The following IL1R2 variants were observed in gnomAD, a reference collection of about 807,000 sequenced individuals.
The protein encoded by IL1R2 is interleukin-1 receptor type 2.
IL1R2 carries 46 observed loss-of-function variants against 39.5 expected under a neutral mutation model. The observed-to-expected ratio is 1.16, with a 90% CI of 0.92 to 1.49. IL1R2 has a LOEUF of 1.49. Among genes scored for constraint, IL1R2 ranks in the 40% most tolerant of loss-of-function variants. IL1R2 has a pLI of 0.00. For synonymous variants in IL1R2, 207 were observed against 189.6 expected (o/e 1.09, Z -0.75); for missense variants, 537 against 502.0 (o/e 1.07, Z -0.67).
At chr2:102,028,128 A>G in intron 8 of IL1R2, 98 bp from the exon 9 acceptor site, 1 of 1,038,844 alleles carries the variant, frequency 9.6e-7, no homozygotes, top group Non-Finnish European at 1.3e-6. Flanking sequence ...AGAAAAACAA[A>G]CTCCAATTTC....
chr2:101,997,420 C>T (rs1001595721), intron 1 of IL1R2, among the ~76,000 whole-genome samples: 2 of 152,190 alleles, frequency 1.3e-5, no homozygotes, highest in Admixed American at 6.5e-5. Context: ...TGTTGCTGCA[C>T]CTGAAGAGCT....
At chr2:102,002,624 ATGTC>A (rs142516588) in intron 1 of IL1R2, among the ~76,000 whole-genome samples, 32 of 139,118 alleles carry the variant, frequency 2.3e-4, no homozygotes, top group Non-Finnish European at 4.5e-4. Context: ...ATAAATGTCT[ATGTC>A]TGTGTCTGTG....
At chr2:102,020,130 G>A (rs1677278104) in intron 5 of IL1R2, among the ~76,000 whole-genome samples, 1 of 152,196 alleles carries the variant, frequency 6.6e-6, no homozygotes, top group Admixed American at 6.5e-5. Context: ...GTCCTGTGAA[G>A]CTTTGCACCT....
intron 3 of IL1R2, among the ~76,000 whole-genome samples, chr2:102,012,074 T>G (rs1676672351): frequency 6.6e-6 from 1 of 152,214 alleles, no homozygotes; most frequent in African/African-American, 2.4e-5. Flanking sequence ...CTAGTGTTGG[T>G]GATCTTAAAA....
rs55723899 is a variant in IL1R2, at chr2:101,996,505, T to TTG, written c.-62+4494_-62+4495insTG. On this transcript the variant is annotated intron_variant, in intron 1 of 8. Transcript: ENST00000332549. Reference sequence around the variant, plus strand: ...TCAGTGTTTTTTTTTTTTTTTTTTTTGGGGGGGAGAATGGCTGACTTCTTG... The same window carrying TTG: ...TCAGTGTTTTTTTTTTTTTTTTTTTTTGGGGGGGGAGAATGGCTGACTTCTTG... Among the ~76,000 whole-genome samples, 133 of 137,310 alleles carry TTG rather than the reference T, an allele frequency of 9.7e-4. 1 individual carries two copies. Among genetic ancestry groups the TTG allele is most frequent in the African/African-American group, 3.4e-3 (118 of 34,760 alleles). 90.1% of individuals were successfully genotyped at this position (137,310 alleles called of 152,430 possible). A position where few individuals can be genotyped will look rare whatever the true frequency, so the allele number is the denominator to read the frequency against.
chr2:102,024,270 A>G (rs555618953), intron 6 of IL1R2, among the ~76,000 whole-genome samples: 2 of 152,288 alleles, frequency 1.3e-5, no homozygotes, highest in Admixed American at 1.3e-4. Context: ...GTGGGAGCGC[A>G]GGGGCCCTGG....
At position 102,015,971 on chromosome 2, in the gene IL1R2, T is replaced by G. The variant is rs754047188; in HGVS notation, c.433T>G (p.Ser145Ala). ...CTCATACCCGCAAATTTTAACCTTGTCAACCTCTGGGGTATTAGTATGCCC... is the reference window on the plus strand; with the variant it reads ...CTCATACCCGCAAATTTTAACCTTGGCAACCTCTGGGGTATTAGTATGCCC... ...FISYPQILTL[S>A]TSGVLVCPDL... is the part of the protein sequence containing the mutation. The change falls in exon 4 of 9, where the codon TCA becomes GCA. Residue 145 changes from serine (S) to alanine (A), a missense_variant. Coordinates refer to ENST00000332549, the MANE Select transcript of IL1R2 (RefSeq NM_004633.4). 6.2e-7 allele frequency: 1 copy of G among 1,614,084 alleles called. No homozygotes were observed.
chr2:102,026,147 G>A lies in IL1R2; in HGVS notation c.924G>A (p.Val308=). The A allele has an allele frequency of 6.2e-7, 1 of 1,609,322 alleles. No homozygotes were observed. The highest frequency in any genetic ancestry group is 8.5e-7 in the Non-Finnish European group (1 of 1,176,152). ...YSENNENYIE[V]PLIFDPVTRE... is the part of the protein sequence containing the mutation. ...AAAATAATGAGAACTACATTGAAGT[G>A]CCATTGATTTTTGATCCTGTCACAA... The change falls in exon 8 of 9, where the codon GTG becomes GTA. Residue 308 remains valine (V), a synonymous_variant. Coordinates refer to ENST00000332549, the MANE Select transcript of IL1R2 (RefSeq NM_004633.4).
In IL1R2 at chr2:102,021,612, C is replaced by G. The variant is rs187993898; in HGVS notation, c.689-575C>G. On this transcript the variant is annotated intron_variant, in intron 5 of 8. Transcript: ENST00000332549. ...TACAGGCGTGAGCCACTGCACCCGG[C>G]CACCTCCTTTCTTTACGTTGGCTCT... is the stretch of plus-strand genomic sequence containing the variant. 4.9e-3 allele frequency among the ~76,000 whole-genome samples: 744 copies of G among 152,370 alleles called. 3 individuals are homozygous for G. The highest frequency in any genetic ancestry group is 0.024 in the Middle Eastern group (7 of 294).
At chr2:102,001,219 G>C (rs764254024) in intron 1 of IL1R2, among the ~76,000 whole-genome samples, 1 of 152,230 alleles carries the variant, frequency 6.6e-6, no homozygotes, top group Non-Finnish European at 1.5e-5. Flanking sequence ...ACCAACTTCT[G>C]TCCCAAGAAC....
At chr2:101,995,147 G>T (rs892248770) in intron 1 of IL1R2, among the ~76,000 whole-genome samples, 1 of 152,166 alleles carries the variant, frequency 6.6e-6, no homozygotes, top group Non-Finnish European at 1.5e-5. Flanking sequence ...TAATAAAAAA[G>T]GTCACATGCT....
At chr2:102,024,437 T>G in intron 6 of IL1R2, 96 bp from the exon 7 acceptor site, 2 of 803,354 alleles carry the variant, frequency 2.5e-6, no homozygotes, top group Non-Finnish European at 4.4e-6. Flanking sequence ...TGGTGAGGGG[T>G]GTTTGAGAAG....
intron 4 of IL1R2, among the ~76,000 whole-genome samples, chr2:102,018,336 G>A (rs557906209): frequency 6.6e-6 from 1 of 152,326 alleles, no homozygotes; most frequent in South Asian, 2.1e-4. Flanking sequence ...AATGGGTCTG[G>A]GTTTGAAACT....
Position 102,015,912 on chromosome 2 carries a change from T to A in IL1R2, c.374T>A (p.Val125Asp). The change falls in exon 4 of 9, where the codon GTT becomes GAT. Residue 125 changes from valine (V) to aspartate (D), a missense_variant. Coordinates refer to ENST00000332549, the MANE Select transcript of IL1R2 (RefSeq NM_004633.4). ...YCDKMSIELR[V>D]FENTDAFLPF... ...GACAAAATGTCCATTGAGCTCAGAG[T>A]TTTTGAGAATACAGATGCTTTCCTG... 3 of 1,613,750 alleles carry A rather than the reference T, an allele frequency of 1.9e-6. No homozygotes were observed. Among genetic ancestry groups the A allele is most frequent in the Non-Finnish European group, 1.7e-6 (2 of 1,179,800 alleles).
intron 3 of IL1R2, among the ~76,000 whole-genome samples, chr2:102,011,808 T>A (rs982817290): frequency 6.6e-5 from 10 of 152,232 alleles, no homozygotes; most frequent in African/African-American, 2.4e-4. Context: ...CTTTTAGTGT[T>A]AAGAAATCAT....
At position 101,994,553 on chromosome 2, in the gene IL1R2, G is replaced by A. The variant is rs140585582; in HGVS notation, c.-62+2542G>A. Among the ~76,000 whole-genome samples, 597 of 152,314 alleles carry A rather than the reference G, an allele frequency of 3.9e-3. 16 individuals carry two copies. The South Asian group carries it at 0.068, about 17-fold the overall frequency. ...TCTGATTCAGTAAGTCCTGGTTGGC[G>A]ACCTGAGAATCTGCATTTCTAATAA... On this transcript the variant is annotated intron_variant, in intron 1 of 8. Coordinates refer to ENST00000332549, the MANE Select transcript of IL1R2 (RefSeq NM_004633.4).
intron 3 of IL1R2, among the ~76,000 whole-genome samples, chr2:102,012,434 TG>T (rs1236421300): frequency 6.6e-6 from 1 of 151,934 alleles, no homozygotes; most frequent in East Asian, 1.9e-4. Flanking sequence ...GAAGTACTGG[TG>T]AATGGAAAAA....
In IL1R2 at chr2:102,024,651, G is replaced by A. The variant is rs1677623261; in HGVS notation, c.870G>A (p.Val290=). 1 of 1,614,018 alleles carries A rather than the reference G, an allele frequency of 6.2e-7. No individual in the cohort carries two copies. Among genetic ancestry groups the A allele is most frequent in the Non-Finnish European group, 8.5e-7 (1 of 1,180,022 alleles). ...HIESAYPGGR[V]TEGPRQEYSE... is the part of the protein sequence containing the mutation. Reference sequence around the variant, plus strand: ...AGAGCGCCTACCCGGGAGGCCGCGTGACCGAGGGGCCACGCCAGTAAGTGG... The same window carrying A: ...AGAGCGCCTACCCGGGAGGCCGCGTAACCGAGGGGCCACGCCAGTAAGTGG... The change falls in exon 7 of 9, where the codon GTG becomes GTA. Residue 290 remains valine, a synonymous_variant. Transcript: ENST00000332549.
chr2:101,995,790 C>T (rs1288399793), intron 1 of IL1R2, among the ~76,000 whole-genome samples: 1 of 152,194 alleles, frequency 6.6e-6, no homozygotes, highest in South Asian at 2.1e-4. Context: ...CACTCGGGGA[C>T]CCAGGTCATT....
Sources: gnomAD v4.1 joint callset for allele counts (sites outside exome capture counted in the v4.1 genomes callset) on GRCh38, gnomAD v4.1.1 for gene constraint, MANE v1.5 for transcripts, NCBI Gene and HGNC (gene_info 2026-07-23, HGNC 2026-07-21) for gene names.